TET2: variants seen among roughly 807,000 people sequenced by gnomAD.
The protein encoded by TET2 is tet methylcytosine dioxygenase 2.
A neutral mutation model predicts 142.9 loss-of-function variants in TET2; 299 were observed. That is an observed-to-expected ratio of 2.09 (90% CI 1.90 to 2.30). The LOEUF (loss-of-function observed/expected upper bound fraction) is 2.30. TET2 is among the 30% of genes most tolerant of loss of function. TET2 has a pLI of 0.00. For missense variants in TET2, 2,418 were observed against 2,378.0 expected, an observed-to-expected ratio of 1.02 and a Z score of -0.35; for synonymous variants, 819 against 849.0, an observed-to-expected ratio of 0.96 and a Z score of 0.61.
intron 2 of TET2, among the ~76,000 whole-genome samples, chr4:105,220,842 G>T (rs1029085207): frequency 2.0e-5 from 3 of 152,116 alleles, no homozygotes; most frequent in Non-Finnish European, 4.4e-5. Flanking sequence ...AGCTTTGCCT[G>T]CTGAGTCCAC....
At chr4:105,196,165 C>CTTT (rs568308818) in intron 2 of TET2, among the ~76,000 whole-genome samples, 10 of 145,954 alleles carry the variant, frequency 6.9e-5, no homozygotes, top group African/African-American at 7.5e-5. Context: ...TGCCTCTGTT[C>CTTT]TTTTTTTTTT....
intron 2 of TET2, among the ~76,000 whole-genome samples, chr4:105,203,256 C>A (rs940541173): frequency 2.0e-5 from 3 of 152,198 alleles, no homozygotes; most frequent in African/African-American, 4.8e-5. Context: ...TGCTTCCATT[C>A]CTACATTGAC....
chr4:105,189,544 C>G (rs559031822), intron 1 of TET2, among the ~76,000 whole-genome samples: 3 of 152,306 alleles, frequency 2.0e-5, no homozygotes, highest in Admixed American at 2.0e-4. Flanking sequence ...CTCAAAACAA[C>G]GCTTTCTCCC....
intron 2 of TET2, among the ~76,000 whole-genome samples, chr4:105,201,524 C>T (rs1726464938): frequency 6.6e-6 from 1 of 152,032 alleles, no homozygotes; most frequent in African/African-American, 2.4e-5. Context: ...ACATTTAAAT[C>T]AAACAGTTCC....
At chr4:105,238,014 T>A in intron 3 of TET2, 1 of 736,748 alleles carries the variant, frequency 1.4e-6, no homozygotes, top group Non-Finnish European at 1.7e-6. Context: ...TTTGGCTCCA[T>A]ACCACAATAA....
At chr4:105,200,878 C>A (rs113226226) in intron 2 of TET2, among the ~76,000 whole-genome samples, 17 of 152,100 alleles carry the variant, frequency 1.1e-4, no homozygotes, top group African/African-American at 3.6e-4. Context: ...CCAGGATGGT[C>A]TCTATCTCTT....
At chr4:105,271,953 C>T (rs996653103) in intron 9 of TET2, among the ~76,000 whole-genome samples, 4 of 152,128 alleles carry the variant, frequency 2.6e-5, no homozygotes, top group African/African-American at 4.8e-5. Context: ...GGAGGAGAGA[C>T]AAGAGAGTGA....
rs958206454 is a variant in TET2 at position 105,234,625 on chromosome 4, A to G, written c.683A>G (p.Lys228Arg). 3.1e-6 allele frequency: 5 copies of G among 1,614,134 alleles called. No individual in the cohort carries two copies. Among genetic ancestry groups the G allele is most frequent in the Non-Finnish European group, 4.2e-6 (5 of 1,180,014 alleles). ...VEHTHGELLE[K>R]TLSQYYPDCV... ...CACACACATGGTGAACTCCTGGAAA[A>G]AACACTGTCTCAATATTATCCAGAT... The change falls in exon 3 of 11, where the codon AAA becomes AGA. Residue 228 changes from lysine to arginine, a missense_variant. Coordinates refer to ENST00000380013, the MANE Select transcript of TET2 (RefSeq NM_001127208.3).
chr4:105,223,938 G>T (rs1728014570), intron 2 of TET2, among the ~76,000 whole-genome samples: 1 of 152,030 alleles, frequency 6.6e-6, no homozygotes. Flanking sequence ...TAATCTGAAT[G>T]TATAAATAAA....
At chr4:105,215,093 T>C (rs1436983999) in intron 2 of TET2, among the ~76,000 whole-genome samples, 2 of 152,078 alleles carry the variant, frequency 1.3e-5, no homozygotes, top group Admixed American at 6.6e-5. Flanking sequence ...CTGCTTGTTA[T>C]TGGGGAGAAA....
intron 2 of TET2, among the ~76,000 whole-genome samples, chr4:105,223,123 C>A (rs1026243334): frequency 3.9e-5 from 6 of 152,030 alleles, no homozygotes; most frequent in African/African-American, 1.4e-4. Context: ...AGTCCTTTTT[C>A]AAGAGATGTG....
intron 2 of TET2, among the ~76,000 whole-genome samples, chr4:105,226,442 C>G (rs1247072301): frequency 1.3e-5 from 2 of 152,110 alleles, no homozygotes; most frequent in African/African-American, 4.8e-5. Flanking sequence ...CTCTAAATCT[C>G]CTGTTGAAAT....
At chr4:105,233,435 T>C (rs1312320358) in intron 2 of TET2, among the ~76,000 whole-genome samples, 1 of 139,654 alleles carries the variant, frequency 7.2e-6, no homozygotes, top group East Asian at 2.1e-4. Flanking sequence ...GGCACAGTGA[T>C]AAAGAGAAGA....
At chr4:105,171,787 C>G (rs533004495) in intron 1 of TET2, 14 of 152,278 alleles carry the variant, frequency 9.2e-5, no homozygotes, top group Non-Finnish European at 1.6e-4. Context: ...GGTAAACCTA[C>G]AGAAACAGAC....
intron 3 of TET2, chr4:105,238,011 C>T: frequency 1.3e-6 from 1 of 752,740 alleles, no homozygotes. Flanking sequence ...GGGTTTGGCT[C>T]CATACCACAA....
chr4:105,155,765 CAT>C (rs1412019914), intron 1 of TET2, among the ~76,000 whole-genome samples: 1 of 152,288 alleles, frequency 6.6e-6, no homozygotes, highest in Non-Finnish European at 1.5e-5. Context: ...TTAAGGTACA[CAT>C]GTGATTGTAC....
intron 2 of TET2, among the ~76,000 whole-genome samples, chr4:105,214,825 C>G (rs1412355478): frequency 6.6e-6 from 1 of 152,134 alleles, no homozygotes; most frequent in Admixed American, 6.5e-5. Context: ...CCCTAAGCAT[C>G]TCTTCATCTG....
intron 1 of TET2, among the ~76,000 whole-genome samples, chr4:105,167,375 C>T (rs1193437144): frequency 1.3e-5 from 2 of 151,714 alleles, no homozygotes; most frequent in African/African-American, 2.4e-5. Flanking sequence ...TATGTGTACA[C>T]ATATACATAT....
intron 6 of TET2, among the ~76,000 whole-genome samples, chr4:105,246,555 T>A (rs1200774668): frequency 6.6e-6 from 1 of 152,234 alleles, no homozygotes; most frequent in East Asian, 1.9e-4. Flanking sequence ...AATAAAAAAT[T>A]TTAATACTTA....
Sources: allele counts gnomAD v4.1 joint callset (sites outside exome capture counted in the v4.1 genomes callset), GRCh38; gene constraint gnomAD v4.1.1; transcripts MANE v1.5; gene names NCBI Gene and HGNC (gene_info 2026-07-23, HGNC 2026-07-21).